ADD3: variants seen among roughly 807,000 people sequenced by gnomAD.
ADD3 encodes the protein gamma-adducin.
ADD3 carries 25 observed loss-of-function variants against 80.2 expected under a neutral mutation model. The observed-to-expected ratio is 0.31, with a 90% CI of 0.23 to 0.44. ADD3 has a LOEUF of 0.44. ADD3 is among the 20% of genes least tolerant of loss of function. The pLI is 1.00. For missense variants in ADD3, 829 were observed against 847.5 expected, an observed-to-expected ratio of 0.98 and a Z score of 0.27; for synonymous variants, 284 against 289.6, an observed-to-expected ratio of 0.98 and a Z score of 0.20.
chr10:110,098,067 G>A (rs925018429), intron 1 of ADD3, among the ~76,000 whole-genome samples: 6 of 152,224 alleles, frequency 3.9e-5, no homozygotes, highest in African/African-American at 7.2e-5. Context: ...AAGCTACCGC[G>A]CCCAGCCTAG....
intron 1 of ADD3, among the ~76,000 whole-genome samples, chr10:110,082,396 G>A (rs1264076321): frequency 6.6e-6 from 1 of 152,172 alleles, no homozygotes; most frequent in Non-Finnish European, 1.5e-5. Flanking sequence ...GTCCTTAGAT[G>A]AGAATGAATT....
intron 12 of ADD3, among the ~76,000 whole-genome samples, chr10:110,129,211 G>A (rs1262649584): frequency 6.7e-5 from 10 of 149,428 alleles, no homozygotes; most frequent in East Asian, 5.9e-4. Flanking sequence ...GCGCAATGGC[G>A]TGACCTCAGC....
chr10:110,068,250 T>TGAA (rs1236432909), intron 1 of ADD3, among the ~76,000 whole-genome samples: 3 of 152,168 alleles, frequency 2.0e-5, no homozygotes, highest in Admixed American at 6.5e-5. Flanking sequence ...ACTTTGCTTC[T>TGAA]CAGAAGTTCA....
At chr10:110,087,425 T>C (rs563558724) in intron 1 of ADD3, among the ~76,000 whole-genome samples, 1 of 152,248 alleles carries the variant, frequency 6.6e-6, no homozygotes, top group Non-Finnish European at 1.5e-5. Context: ...GTGTTTCCGC[T>C]ATGATGGAAG....
chr10:110,015,617 G>C (rs182013495), intron 1 of ADD3, among the ~76,000 whole-genome samples: 4 of 151,806 alleles, frequency 2.6e-5, no homozygotes, highest in African/African-American at 9.7e-5. Context: ...CTCGTGATCC[G>C]TCCGCCTCGG....
intron 1 of ADD3, among the ~76,000 whole-genome samples, chr10:110,097,003 A>G (rs1848246997): frequency 6.6e-6 from 1 of 152,200 alleles, no homozygotes; most frequent in Non-Finnish European, 1.5e-5. Flanking sequence ...GTGAGCTCAG[A>G]ATTGAACATA....
At chr10:110,032,005 A>G (rs890229645) in intron 1 of ADD3, among the ~76,000 whole-genome samples, 11 of 152,088 alleles carry the variant, frequency 7.2e-5, no homozygotes, top group African/African-American at 2.2e-4. Context: ...GATCAAGCCT[A>G]TGACTTTCTC....
Position 110,116,283 on chromosome 10 carries a change from A to T in ADD3, c.359A>T (p.Asn120Ile), listed in dbSNP as rs757361803. Residue 120 changes from asparagine (N) to isoleucine (I), a missense_variant, in exon 4 of 15, where the codon AAT (asparagine) becomes ATT (isoleucine). By Grantham distance (149) the Asn-to-Ile change is moderately radical. Coordinates refer to ENST00000356080, the MANE Select transcript of ADD3 (RefSeq NM_016824.5). ...PLSLGMVTPINDLPGADTSSY... is the reference protein window; with the variant it reads ...PLSLGMVTPIIDLPGADTSSY... ...GGTCTTGGCATGGTCACACCTATCA[A>T]TGACCTTCCTGGTGCAGATACATCC... The T allele has an allele frequency of 6.2e-7, 1 of 1,614,120 alleles. No individual in the cohort carries two copies. The highest frequency in any genetic ancestry group is 8.5e-7 in the Non-Finnish European group (1 of 1,179,978).
rs147399826 is a variant in ADD3, at chr10:109,996,926, G to A, written n.79+480G>A. ...CATTTACACTTTAGTGAGAATTTAG[G>A]TTAATGTGTTACTACTCCCAGGAAG... is the stretch of plus-strand genomic sequence containing the variant. On this transcript the variant is annotated intron_variant and non_coding_transcript_variant, in intron 1 of 5. Transcript: ENST00000468251. Among the ~76,000 whole-genome samples, 41 of 152,306 alleles carry A rather than the reference G, an allele frequency of 2.7e-4. No individual in the cohort carries two copies. In the East Asian group the frequency reaches 6.6e-3, roughly 24 times the overall value.
Position 110,133,803 on chromosome 10 carries a change from A to G in ADD3, c.*185A>G, listed in dbSNP as rs935959671. On this transcript the variant is annotated 3_prime_UTR_variant, in exon 15 of 15. Transcript: ENST00000356080. ...GATTCATCTCTCATTTTATATGTCC[A>G]GAAATGGCTTTGAATTTTAAGCAAT... is the stretch of plus-strand genomic sequence containing the variant. 2.1e-6 allele frequency: 1 copy of G among 467,484 alleles called. No homozygotes were observed. Among genetic ancestry groups the G allele is most frequent in the Non-Finnish European group, 3.7e-6 (1 of 273,550 alleles). 29.0% of individuals were successfully genotyped at this position (467,484 alleles called of 1,614,324 possible).
chr10:110,034,734 G>T (rs890418055), intron 1 of ADD3, among the ~76,000 whole-genome samples: 9 of 152,170 alleles, frequency 5.9e-5, no homozygotes, highest in African/African-American at 1.9e-4. Context: ...TGCTTTCCAT[G>T]AATTCCTTAA....
At chr10:110,008,994 T>C (rs1564831845) in intron 1 of ADD3, among the ~76,000 whole-genome samples, 1 of 152,146 alleles carries the variant, frequency 6.6e-6, no homozygotes, top group African/African-American at 2.4e-5. Flanking sequence ...TAGGCTATTA[T>C]AGCTTAGGCA....
intron 1 of ADD3, among the ~76,000 whole-genome samples, chr10:110,041,528 G>A (rs1004262621): frequency 4.6e-5 from 7 of 152,262 alleles, no homozygotes; most frequent in East Asian, 1.9e-4. Context: ...TCTGTAAAAC[G>A]AAAGGGTTGG....
intron 1 of ADD3, among the ~76,000 whole-genome samples, chr10:110,073,561 C>CT (rs1338808021): frequency 6.6e-6 from 1 of 152,182 alleles, no homozygotes; most frequent in African/African-American, 2.4e-5. Flanking sequence ...TCCAGTGGCA[C>CT]TTTAACTGCT....
At chr10:110,106,381 T>C (rs1849397087) in intron 2 of ADD3, among the ~76,000 whole-genome samples, 1 of 152,062 alleles carries the variant, frequency 6.6e-6, no homozygotes, top group Non-Finnish European at 1.5e-5. Context: ...TTCTCTTTTC[T>C]GTGACTTAAG....
At chr10:110,096,272 T>G (rs1048664045) in intron 1 of ADD3, among the ~76,000 whole-genome samples, 11 of 152,324 alleles carry the variant, frequency 7.2e-5, no homozygotes, top group African/African-American at 2.6e-4. Flanking sequence ...CACATTCTTG[T>G]TAGTTTGTGC....
chr10:110,063,737 T>TTATATATATA (rs139871560), intron 1 of ADD3, among the ~76,000 whole-genome samples: 1,149 of 63,994 alleles, frequency 0.018, 60 homozygotes, highest in Non-Finnish European at 0.025. Flanking sequence ...TATATATTCA[T>TTATATATATA]TATATATATA....
intron 1 of ADD3, among the ~76,000 whole-genome samples, chr10:110,097,040 C>G (rs1848250249): frequency 6.6e-6 from 1 of 152,136 alleles, no homozygotes; most frequent in Admixed American, 6.5e-5. Context: ...TCTGTGAACA[C>G]TTTGGGTTAA....
At chr10:110,065,539 C>CGTTTTTTTTT (rs1843806502) in intron 1 of ADD3, among the ~76,000 whole-genome samples, 1 of 31,172 alleles carries the variant, frequency 3.2e-5, no homozygotes, top group Non-Finnish European at 7.5e-5. Flanking sequence ...TCTCTCTCCC[C>CGTTTTTTTTT]TTTTTTTTTT....
Sources: gnomAD v4.1 joint callset for allele counts (sites outside exome capture counted in the v4.1 genomes callset) on GRCh38, gnomAD v4.1.1 for gene constraint, MANE v1.5 for transcripts, NCBI Gene and HGNC (gene_info 2026-07-23, HGNC 2026-07-21) for gene names.